Variants in B3GLCT observed in about 807,000 individuals in gnomAD.
B3GLCT encodes the protein beta 3-glucosyltransferase.
In B3GLCT, 65 loss-of-function variants were observed where a neutral mutation model predicts 63.4. That is an observed-to-expected ratio of 1.03 (90% CI 0.84 to 1.26). The LOEUF is 1.26. B3GLCT is among the 50% of genes most tolerant of loss of function. The pLI is 0.00. For synonymous variants in B3GLCT, 233 were observed against 219.2 expected, an observed-to-expected ratio of 1.06 and a Z score of -0.55; for missense variants, 577 against 604.8, an observed-to-expected ratio of 0.95 and a Z score of 0.48.
Position 31,329,834 on chromosome 13 carries a change from GGGGTCACA to G in B3GLCT, c.*169_*176del. 5 of 738,350 alleles carry G rather than the reference GGGGTCACA, an allele frequency of 6.8e-6. No individual in the cohort carries two copies. The highest frequency in any genetic ancestry group is 1.1e-5 in the Non-Finnish European group (5 of 449,326). The allele number at this position is 738,350 out of a possible 1,614,324, so 45.7% of individuals were successfully genotyped here. ...GGTATTTTTTGACAGAGGAAGAAAA[GGGGTCACA>G]GGAGAAACATTTTTTTTTCTGGGAA... On this transcript the variant is annotated 3_prime_UTR_variant, in exon 15 of 15. Transcript: ENST00000343307.
chr13:31,271,918 A>G (rs1484834447), intron 8 of B3GLCT, among the ~76,000 whole-genome samples: 4 of 152,116 alleles, frequency 2.6e-5, no homozygotes, highest in African/African-American at 4.8e-5. Flanking sequence ...ATTTGTCTTT[A>G]TCTTTAGTAA....
intron 2 of B3GLCT, among the ~76,000 whole-genome samples, chr13:31,215,991 T>A (rs866883231): frequency 6.6e-6 from 1 of 152,200 alleles, no homozygotes; most frequent in Non-Finnish European, 1.5e-5. Flanking sequence ...AGGGAATGTC[T>A]CTAAATGTTT....
chr13:31,297,458 G>A (rs1400849539), intron 12 of B3GLCT, among the ~76,000 whole-genome samples: 1 of 150,874 alleles, frequency 6.6e-6, no homozygotes, highest in Non-Finnish European at 1.5e-5. Context: ...AGTTGGTTAG[G>A]AAAAAACTGA....
intron 4 of B3GLCT, 72 bp from the exon 5 acceptor site, chr13:31,246,951 C>CTTTTTTTTTTTTTTTTTTTTTTTTTTCT (rs66466340): frequency 1.4e-6 from 1 of 719,078 alleles, no homozygotes; most frequent in Non-Finnish European, 2.1e-6. Context: ...CTTTTCTTTT[C>CTTTTTTTTTTTTTTTTTTTTTTTTTTCT]TTTTTTTTTT....
chr13:31,309,666 T>G lies in B3GLCT; in HGVS notation c.1065-7900T>G, dbSNP rs370249960. Among the ~76,000 whole-genome samples, 33 of 152,124 alleles carry G rather than the reference T, an allele frequency of 2.2e-4. 1 individual carries two copies. Among genetic ancestry groups the G allele is most frequent in the African/African-American group, 8.0e-4 (33 of 41,500 alleles). On this transcript the variant is annotated intron_variant, in intron 12 of 14. Transcript: ENST00000343307. Reference sequence around the variant, plus strand: ...GTAGGGCAAGGTATGGGGGAAGGAGTGTGGAGCTTCCTTGCCCCACTTGGG... The same window carrying G: ...GTAGGGCAAGGTATGGGGGAAGGAGGGTGGAGCTTCCTTGCCCCACTTGGG...
intron 6 of B3GLCT, among the ~76,000 whole-genome samples, chr13:31,250,817 C>T (rs1871392189): frequency 6.6e-6 from 1 of 152,208 alleles, no homozygotes; most frequent in South Asian, 2.1e-4. Flanking sequence ...TACCTGGCAG[C>T]TCTGAAGAGA....
intron 14 of B3GLCT, among the ~76,000 whole-genome samples, chr13:31,327,337 C>T (rs549375631): frequency 1.6e-3 from 244 of 152,154 alleles, no homozygotes; most frequent in Non-Finnish European, 3.0e-3. Flanking sequence ...GATAATGAGG[C>T]GGCTTCTAGC....
chr13:31,225,908 A>G (rs916474551), intron 3 of B3GLCT, among the ~76,000 whole-genome samples: 1 of 152,154 alleles, frequency 6.6e-6, no homozygotes, highest in Non-Finnish European at 1.5e-5. Context: ...TAAATCCCTC[A>G]TGATTTGTCT....
intron 1 of B3GLCT, among the ~76,000 whole-genome samples, chr13:31,211,755 T>C (rs1370574144): frequency 6.6e-6 from 1 of 152,218 alleles, no homozygotes; most frequent in East Asian, 1.9e-4. Flanking sequence ...GCAATATCTT[T>C]CCTGTATGTA....
chr13:31,228,419 G>A (rs1445983792), intron 3 of B3GLCT, among the ~76,000 whole-genome samples: 2 of 152,204 alleles, frequency 1.3e-5, no homozygotes, highest in African/African-American at 2.4e-5. Flanking sequence ...ACCACAAAAC[G>A]TGGCTTAGTA....
chr13:31,266,510 C>T (rs1872330738), intron 7 of B3GLCT, among the ~76,000 whole-genome samples: 1 of 152,144 alleles, frequency 6.6e-6, no homozygotes, highest in Admixed American at 6.5e-5. Context: ...GTATAGAAAA[C>T]TGAAATCCAG....
intron 7 of B3GLCT, among the ~76,000 whole-genome samples, chr13:31,265,287 C>G (rs1872237375): frequency 6.6e-6 from 1 of 152,166 alleles, no homozygotes; most frequent in African/African-American, 2.4e-5. Flanking sequence ...ATCTCTGACT[C>G]TGGAGCCTGT....
In B3GLCT at chr13:31,266,569, C is replaced by G. The variant is rs116062925; in HGVS notation, c.597-2645C>G. ...TTAAGTTAGTTGGTCACCCTGCACA[C>G]TCTTAGAACTTGAACTTGTTTGCAA... is the stretch of plus-strand genomic sequence containing the variant. On this transcript the variant is annotated intron_variant, in intron 7 of 14. Coordinates refer to ENST00000343307, the MANE Select transcript of B3GLCT (RefSeq NM_194318.4). 4.5e-3 allele frequency among the ~76,000 whole-genome samples: 692 copies of G among 152,272 alleles called. 9 individuals are homozygous for G. The highest frequency in any genetic ancestry group is 0.016 in the African/African-American group (666 of 41,542).
intron 6 of B3GLCT, among the ~76,000 whole-genome samples, chr13:31,260,657 A>G (rs186502592): frequency 1.3e-5 from 2 of 152,280 alleles, no homozygotes; most frequent in Admixed American, 1.3e-4. Flanking sequence ...TTTTATATGG[A>G]ATATTCTATA....
chr13:31,212,267 C>CA (rs1220733878), intron 1 of B3GLCT, among the ~76,000 whole-genome samples: 1 of 91,638 alleles, frequency 1.1e-5, no homozygotes, highest in Non-Finnish European at 2.0e-5. Flanking sequence ...GCATAACTGG[C>CA]TTTTTTTTTT....
At position 31,289,217 on chromosome 13, in the gene B3GLCT, A is replaced by G. The variant is rs564402003; in HGVS notation, c.1064+2398A>G. Among the ~76,000 whole-genome samples the G allele has an allele frequency of 1.3e-3, 194 of 152,258 alleles. 4 individuals carry two copies. In the South Asian group the frequency reaches 0.039, roughly 30 times the overall value. On this transcript the variant is annotated intron_variant, in intron 12 of 14. Transcript: ENST00000343307. ...CACAAAAATAAGGAAAAAATGAAAA[A>G]GAATGAAAACAGCCCTCAAGATGTC... is the stretch of plus-strand genomic sequence containing the variant.
intron 12 of B3GLCT, among the ~76,000 whole-genome samples, chr13:31,288,153 A>G (rs1873442080): frequency 6.6e-6 from 1 of 152,190 alleles, no homozygotes; most frequent in Admixed American, 6.5e-5. Context: ...CACCATAAGC[A>G]CAAAAGCAGA....
At chr13:31,296,162 A>C (rs543195532) in intron 12 of B3GLCT, among the ~76,000 whole-genome samples, 1 of 152,168 alleles carries the variant, frequency 6.6e-6, no homozygotes, top group Non-Finnish European at 1.5e-5. Flanking sequence ...ACCAGTCCCA[A>C]TGAGATGCAC....
rs1254858453 is a variant in B3GLCT, at chr13:31,266,245, GCCTTGGCCTCCCAA to G, written c.597-2965_597-2952del. 9.2e-5 allele frequency among the ~76,000 whole-genome samples: 14 copies of G among 152,086 alleles called. No individual in the cohort carries two copies. In the East Asian group the frequency reaches 2.7e-3, roughly 29 times the overall value. On this transcript the variant is annotated intron_variant, in intron 7 of 14. Coordinates refer to ENST00000343307, the MANE Select transcript of B3GLCT (RefSeq NM_194318.4). ...GATCTCCTGACCTCATGTTTTGCCC[GCCTTGGCCTCCCAA>G]CCTCGTGATCCGCCCACCTCAGCCT...
Sources: gnomAD v4.1 joint callset for allele counts (sites outside exome capture counted in the v4.1 genomes callset) on GRCh38, gnomAD v4.1.1 for gene constraint, MANE v1.5 for transcripts, NCBI Gene and HGNC (gene_info 2026-07-23, HGNC 2026-07-21) for gene names.